Variants in TRA2A observed in about 807,000 individuals in gnomAD.
The protein encoded by TRA2A is transformer-2 protein homolog alpha.
In TRA2A, 31 loss-of-function variants were observed where a neutral mutation model predicts 45.7. The observed-to-expected ratio is 0.68, with a 90% CI of 0.51 to 0.92. TRA2A has a LOEUF of 0.92. Ranked by LOEUF, TRA2A falls within the 40% of genes least tolerant of loss-of-function variation. The pLI, the probability that TRA2A is intolerant of heterozygous loss-of-function variation, is 0.00. For synonymous variants in TRA2A, 132 were observed against 126.2 expected, an observed-to-expected ratio of 1.05 and a Z score of -0.31; for missense variants, 304 against 367.5, an observed-to-expected ratio of 0.83 and a Z score of 1.41.
chr7:23,507,396 A>C (rs1376186106), intron 5 of TRA2A, 24 bp downstream of exon 5: 5 of 1,576,242 alleles, frequency 3.2e-6, no homozygotes, highest in Middle Eastern at 1.7e-4. Flanking sequence ...TTCATAGTTT[A>C]GCTTAGGAAA....
chr7:23,512,622 CTAAT>C (rs903661532), intron 4 of TRA2A, among the ~76,000 whole-genome samples: 3 of 151,956 alleles, frequency 2.0e-5, no homozygotes, highest in Non-Finnish European at 4.4e-5. Context: ...CCACGCCTGG[CTAAT>C]TGTTTGTATT....
chr7:23,515,886 T>C (rs1789844886), intron 3 of TRA2A, among the ~76,000 whole-genome samples: 1 of 150,430 alleles, frequency 6.6e-6, no homozygotes, highest in African/African-American at 2.4e-5. Flanking sequence ...AAGAAAAATA[T>C]ACTCCCGGCC....
At chr7:23,507,101 A>T (rs2127990648) in intron 5 of TRA2A, 1 of 262,086 alleles carries the variant, frequency 3.8e-6, no homozygotes, top group East Asian at 7.5e-5. Context: ...TTGTATATTT[A>T]AAAACATTAT....
At chr7:23,507,564 T>C (rs771094363) in intron 4 of TRA2A, 29 bp from the exon 5 acceptor site, 14 of 1,473,866 alleles carry the variant, frequency 9.5e-6, no homozygotes, top group Middle Eastern at 1.7e-4. Flanking sequence ...AAAAGTCACG[T>C]ATAATTCACC....
intron 3 of TRA2A, among the ~76,000 whole-genome samples, chr7:23,514,458 G>A (rs903274527): frequency 8.6e-5 from 13 of 151,904 alleles, no homozygotes; most frequent in African/African-American, 2.2e-4. Context: ...GTGAAACTCC[G>A]TCTCACTTAT....
At chr7:23,516,315 C>A in intron 3 of TRA2A, 48 bp downstream of exon 3, 2 of 1,599,662 alleles carry the variant, frequency 1.3e-6, no homozygotes, top group Middle Eastern at 1.9e-4. Context: ...CATGACTAAA[C>A]ACATAAAAGA....
chr7:23,515,690 C>A (rs891437311), intron 3 of TRA2A, among the ~76,000 whole-genome samples: 1 of 151,720 alleles, frequency 6.6e-6, no homozygotes, highest in African/African-American at 2.4e-5. Context: ...AGATTACAGG[C>A]GTAAGCCACC....
chr7:23,531,702 C>A, intron 1 of TRA2A, 87 bp downstream of exon 1: 3 of 1,511,456 alleles, frequency 2.0e-6, no homozygotes, highest in South Asian at 1.1e-5. Flanking sequence ...CGCGGGACTA[C>A]CCGCAACCCC....
At position 23,507,437 on chromosome 7, in the gene TRA2A, G is replaced by A. The variant is rs777012906; in HGVS notation, c.624C>T (p.Tyr208=). The A allele has an allele frequency of 1.2e-6, 2 of 1,613,890 alleles. No individual in the cohort carries two copies. The highest frequency in any genetic ancestry group is 2.7e-5 in the African/African-American group (2 of 74,934). Residue 208 remains tyrosine, a synonymous_variant, in exon 5 of 8, where the codon TAC becomes TAT. Transcript: ENST00000297071. ...ACTCTTACTGAGTTGGTCTGCCCAT[G>A]TAGATGCCTGGTGTTGGTGTGTGCG... is the stretch of plus-strand genomic sequence containing the variant. ...KRAHTPTPGI[Y]MGRPTHSGGG... is the part of the protein sequence containing the mutation.
chr7:23,513,625 C>T (rs914521413), intron 3 of TRA2A, among the ~76,000 whole-genome samples: 2 of 151,972 alleles, frequency 1.3e-5, no homozygotes, highest in African/African-American at 2.4e-5. Context: ...GTTTGTTTCT[C>T]GGTGTTGTAA....
Position 23,512,925 on chromosome 7 carries a change from A to G in TRA2A, c.494T>C (p.Val165Ala). ...RTGRSRGFAFVYFERIDDSKE... is the reference protein window; with the variant it reads ...RTGRSRGFAFAYFERIDDSKE... Reference sequence around the variant, plus strand: ...TGAGTCATCTATTCTCTCAAAATACACAAAAGCAAATCCTCGAGATCGCCC... The same window carrying G: ...TGAGTCATCTATTCTCTCAAAATACGCAAAAGCAAATCCTCGAGATCGCCC... The change falls in exon 4 of 8, where the codon GTG (valine) becomes GCG (alanine). Residue 165 changes from valine to alanine, a missense_variant. Physicochemically the swap from Val to Ala is moderately conservative, Grantham distance 64 (BLOSUM62 0). This residue lies in a region of TRA2A where 130 missense variants were observed against 217.1 expected (regional missense o/e 0.60). Transcript: ENST00000297071. 6.2e-7 allele frequency: 1 copy of G among 1,613,706 alleles called. No individual in the cohort carries two copies. Among genetic ancestry groups the G allele is most frequent in the Non-Finnish European group, 8.5e-7 (1 of 1,179,866 alleles).
At chr7:23,524,454 G>A (rs775949122) in intron 1 of TRA2A, among the ~76,000 whole-genome samples, 18 of 152,070 alleles carry the variant, frequency 1.2e-4, no homozygotes, top group Non-Finnish European at 2.4e-4. Flanking sequence ...AAAGTGCTGG[G>A]ATTACAGGTG....
chr7:23,505,965 T>C (rs1045465844), intron 6 of TRA2A, 152 bp from the exon 7 acceptor site: 31 of 708,034 alleles, frequency 4.4e-5, no homozygotes, highest in Non-Finnish European at 7.1e-5. Context: ...ACCAGAAAAG[T>C]ATATAGCACA....
At chr7:23,513,788 G>GT (rs1789736617) in intron 3 of TRA2A, among the ~76,000 whole-genome samples, 1 of 152,062 alleles carries the variant, frequency 6.6e-6, no homozygotes, top group Non-Finnish European at 1.5e-5. Context: ...TGTTGTGTCT[G>GT]TTTTTTATTG....
chr7:23,516,463 CTA>C lies in TRA2A; in HGVS notation c.234_235del (p.His78GlnfsTer7), dbSNP rs1334749728. 6.2e-7 allele frequency: 1 copy of C among 1,614,242 alleles called. No homozygotes were observed. The highest frequency in any genetic ancestry group is 1.7e-5 in the Admixed American group (1 of 60,024). The stretch of plus-strand genomic sequence containing the variant: ...ATATGATCTACTTCGAGATCGTCTC[CTA>C]TGAGAGTGAGAGTGGGATCTGGATC... On this transcript the variant is annotated frameshift_variant, in exon 3 of 8. Coordinates refer to ENST00000297071, the MANE Select transcript of TRA2A (RefSeq NM_013293.5). LOFTEE classifies it high-confidence loss of function.
In TRA2A at chr7:23,507,569, T is replaced by G. The variant is rs754426273; in HGVS notation, c.526-34A>C. ...AACAGGCACAAAAAGTCACGTATAA[T>G]TCACCAGTCTTGAAGTAATCATTAC... is the stretch of plus-strand genomic sequence containing the variant. On this transcript the variant is annotated intron_variant, in intron 4 of 7. Coordinates refer to ENST00000297071, the MANE Select transcript of TRA2A (RefSeq NM_013293.5). The G allele has an allele frequency of 2.1e-6, 3 of 1,427,324 alleles. No homozygotes were observed. The Admixed American group carries it at 5.0e-5, about 24-fold the overall frequency. The allele number at this position is 1,427,324 out of a possible 1,614,324, so 88.4% of individuals were successfully genotyped here.
chr7:23,526,896 A>G (rs962717917), intron 1 of TRA2A, among the ~76,000 whole-genome samples: 8 of 152,182 alleles, frequency 5.3e-5, no homozygotes, highest in Admixed American at 5.2e-4. Flanking sequence ...TCATAAATAC[A>G]TGATTTAGTA....
chr7:23,515,410 T>C (rs1789819599), intron 3 of TRA2A, among the ~76,000 whole-genome samples: 1 of 151,912 alleles, frequency 6.6e-6, no homozygotes, highest in Non-Finnish European at 1.5e-5. Context: ...TTTGTATTTT[T>C]AGTAGAGACA....
intron 3 of TRA2A, among the ~76,000 whole-genome samples, chr7:23,514,533 C>A (rs1268618314): frequency 6.6e-6 from 1 of 152,106 alleles, no homozygotes; most frequent in Non-Finnish European, 1.5e-5. Flanking sequence ...ACATCCCTTA[C>A]AGATTTGTAC....
Sources: gnomAD v4.1 joint callset for allele counts (sites outside exome capture counted in the v4.1 genomes callset) on GRCh38, gnomAD v4.1.1 for gene constraint, gnomAD v4.1.1 regional missense constraint, MANE v1.5 for transcripts, NCBI Gene and HGNC (gene_info 2026-07-23, HGNC 2026-07-21) for gene names.